SPATS2L: variants seen among roughly 807,000 people sequenced by gnomAD.
SPATS2L encodes SPATS2-like protein.
SPATS2L carries 30 observed loss-of-function variants against 59.6 expected under a neutral mutation model. That is an observed-to-expected ratio of 0.50 (90% CI 0.38 to 0.68). SPATS2L has a LOEUF of 0.68. Ranked by LOEUF, SPATS2L falls within the 30% of genes least tolerant of loss-of-function variation. The pLI, the probability that SPATS2L is intolerant of heterozygous loss-of-function variation, is 0.00. For synonymous variants in SPATS2L, 252 were observed against 263.5 expected (o/e 0.96, Z 0.42); for missense variants, 615 against 700.0 (o/e 0.88, Z 1.37).
At chr2:200,385,609 G>T (rs1049826498) in intron 2 of SPATS2L, among the ~76,000 whole-genome samples, 1 of 152,058 alleles carries the variant, frequency 6.6e-6, no homozygotes, top group Non-Finnish European at 1.5e-5. Context: ...AGGACACACC[G>T]AAAATAACCT....
chr2:200,383,368 G>A (rs1230133284), intron 2 of SPATS2L, among the ~76,000 whole-genome samples: 1 of 152,038 alleles, frequency 6.6e-6, no homozygotes, highest in Non-Finnish European at 1.5e-5. Context: ...ACATATAGTC[G>A]ATATAAAAAG....
intron 3 of SPATS2L, among the ~76,000 whole-genome samples, chr2:200,395,342 T>C (rs559837266): frequency 9.8e-5 from 15 of 152,306 alleles, no homozygotes; most frequent in African/African-American, 3.1e-4. Context: ...TCTTTGTAAA[T>C]GGGGTTAATA....
At chr2:200,449,780 A>G (rs985430529) in intron 8 of SPATS2L, among the ~76,000 whole-genome samples, 19 of 152,226 alleles carry the variant, frequency 1.2e-4, no homozygotes, top group Admixed American at 7.9e-4. Context: ...CTAAAAAGTG[A>G]GTCCTAAATT....
At chr2:200,335,218 C>A (rs1254278801) in intron 2 of SPATS2L, among the ~76,000 whole-genome samples, 1 of 151,818 alleles carries the variant, frequency 6.6e-6, no homozygotes, top group African/African-American at 2.4e-5. Flanking sequence ...GTGGCTGAAA[C>A]AATAAAGAAA....
At chr2:200,448,111 A>C (rs1359321829) in intron 8 of SPATS2L, among the ~76,000 whole-genome samples, 1 of 151,674 alleles carries the variant, frequency 6.6e-6, no homozygotes, top group Non-Finnish European at 1.5e-5. Flanking sequence ...ATGCCATTAT[A>C]CTCCAGGCTG....
At chr2:200,403,498 C>T (rs1386087554) in intron 3 of SPATS2L, among the ~76,000 whole-genome samples, 3 of 152,176 alleles carry the variant, frequency 2.0e-5, no homozygotes, top group Non-Finnish European at 2.9e-5. Flanking sequence ...CTTCTCTGAG[C>T]ATGTCCTTAT....
At chr2:200,443,081 C>T (rs1317991049) in intron 8 of SPATS2L, among the ~76,000 whole-genome samples, 1 of 152,192 alleles carries the variant, frequency 6.6e-6, no homozygotes, top group Non-Finnish European at 1.5e-5. Flanking sequence ...ACAATAATTG[C>T]ATAAATGTTA....
At chr2:200,451,827 TTTTTC>T (rs1259577096) in intron 8 of SPATS2L, among the ~76,000 whole-genome samples, 2 of 121,894 alleles carry the variant, frequency 1.6e-5, no homozygotes, top group Admixed American at 7.8e-5. Context: ...ACCGTTTTCT[TTTTTC>T]TTTTCTTTTT....
intron 2 of SPATS2L, among the ~76,000 whole-genome samples, chr2:200,334,266 T>C (rs953118343): frequency 6.6e-5 from 10 of 152,252 alleles, no homozygotes; most frequent in Admixed American, 2.0e-4. Flanking sequence ...ATGATGAGCA[T>C]TTTTTCATGA....
chr2:200,318,957 A>G (rs1029851019), intron 1 of SPATS2L, among the ~76,000 whole-genome samples: 1 of 152,152 alleles, frequency 6.6e-6, no homozygotes. Flanking sequence ...TTTGGACTTC[A>G]TGTTATTTGT....
At chr2:200,322,238 C>T (rs1208922448) in intron 1 of SPATS2L, among the ~76,000 whole-genome samples, 2 of 152,138 alleles carry the variant, frequency 1.3e-5, no homozygotes, top group Non-Finnish European at 2.9e-5. Flanking sequence ...AGAAAATATT[C>T]ATTGAGTTGA....
intron 1 of SPATS2L, among the ~76,000 whole-genome samples, chr2:200,323,416 T>G (rs1341800686): frequency 1.3e-5 from 2 of 152,238 alleles, no homozygotes; most frequent in Non-Finnish European, 2.9e-5. Context: ...AATGAGAATA[T>G]TTTAAATATT....
At chr2:200,451,833 T>C (rs2085471103) in intron 8 of SPATS2L, among the ~76,000 whole-genome samples, 1 of 53,328 alleles carries the variant, frequency 1.9e-5, no homozygotes, top group East Asian at 2.9e-4. Flanking sequence ...TTCTTTTTTC[T>C]TTTCTTTTTT....
intron 2 of SPATS2L, among the ~76,000 whole-genome samples, chr2:200,354,750 T>C (rs775196076): frequency 2.6e-5 from 4 of 152,228 alleles, no homozygotes; most frequent in Non-Finnish European, 5.9e-5. Flanking sequence ...GAGGGATAGT[T>C]TGTAGAAAAT....
chr2:200,392,695 G>A (rs2082208013), intron 3 of SPATS2L, among the ~76,000 whole-genome samples: 1 of 152,124 alleles, frequency 6.6e-6, no homozygotes, highest in African/African-American at 2.4e-5. Context: ...GATATGGAGG[G>A]CCAATTGTAC....
intron 2 of SPATS2L, among the ~76,000 whole-genome samples, chr2:200,338,128 G>T (rs1439062243): frequency 1.3e-5 from 2 of 152,122 alleles, no homozygotes; most frequent in African/African-American, 2.4e-5. Flanking sequence ...GGGCTCACGT[G>T]ATCCTCCCAC....
rs2083224315 is a variant in SPATS2L at position 200,419,606 on chromosome 2, G to A, written c.445+110G>A. 3.9e-6 allele frequency: 5 copies of A among 1,282,156 alleles called. No homozygotes were observed. The East Asian group carries it at 9.6e-5, about 25-fold the overall frequency. 79.4% of individuals were successfully genotyped at this position (1,282,156 alleles called of 1,614,324 possible). A position where few individuals can be genotyped will look rare whatever the true frequency, so the allele number is the denominator to read the frequency against. ...GTTGAAAATGGAAGGTTGTTTTTCTGCAGTGTGTACGATTCAGCCTTCCTG... is the reference window on the plus strand; with the variant it reads ...GTTGAAAATGGAAGGTTGTTTTTCTACAGTGTGTACGATTCAGCCTTCCTG... On this transcript the variant is annotated intron_variant, in intron 6 of 12. Coordinates refer to ENST00000409140, the MANE Select transcript of SPATS2L (RefSeq NM_001100423.2).
intron 6 of SPATS2L, among the ~76,000 whole-genome samples, chr2:200,433,216 C>G (rs2106072290): frequency 6.6e-6 from 1 of 152,238 alleles, no homozygotes; most frequent in South Asian, 2.1e-4. Context: ...GCGACAAATC[C>G]AAATCCACAG....
intron 10 of SPATS2L, 73 bp downstream of exon 10, chr2:200,467,472 C>A: frequency 9.6e-7 from 1 of 1,039,726 alleles, no homozygotes; most frequent in Non-Finnish European, 1.5e-6. Context: ...TTTGCATCCA[C>A]AGAGTTCTGC....
Sources: gnomAD v4.1 joint callset for allele counts (sites outside exome capture counted in the v4.1 genomes callset) on GRCh38, gnomAD v4.1.1 for gene constraint, MANE v1.5 for transcripts, NCBI Gene and HGNC (gene_info 2026-07-23, HGNC 2026-07-21) for gene names.